The following EPHA3 variants were observed in gnomAD, a reference collection of about 807,000 sequenced individuals.
The protein encoded by EPHA3 is ephrin type-A receptor 3.
A neutral mutation model predicts 107.1 loss-of-function variants in EPHA3; 42 were observed. The ratio of observed to expected loss-of-function variants is 0.39; its 90% confidence interval spans 0.31 to 0.51. The LOEUF is 0.51. Ranked by LOEUF, EPHA3 falls within the 20% of genes least tolerant of loss-of-function variation. EPHA3 has a pLI of 0.78. For synonymous variants in EPHA3, 461 were observed against 424.8 expected (o/e 1.09, Z -1.05); for missense variants, 1,183 against 1,211.2 (o/e 0.98, Z 0.35).
chr3:89,136,522 C>T (rs1237150820), intron 2 of EPHA3, among the ~76,000 whole-genome samples: 3 of 151,330 alleles, frequency 2.0e-5, no homozygotes, highest in Non-Finnish European at 4.4e-5. Flanking sequence ...GTTGCTAACA[C>T]TATGTCTCTT....
At chr3:89,423,104 C>A (rs1709385899) in intron 11 of EPHA3, among the ~76,000 whole-genome samples, 1 of 151,450 alleles carries the variant, frequency 6.6e-6, no homozygotes, top group Non-Finnish European at 1.5e-5. Flanking sequence ...CTTCCATTGG[C>A]CACTTTTCAC....
intron 2 of EPHA3, among the ~76,000 whole-genome samples, chr3:89,151,817 A>G (rs1704696447): frequency 1.3e-5 from 2 of 152,096 alleles, no homozygotes; most frequent in African/African-American, 4.8e-5. Context: ...ATAGAATTTA[A>G]ATATTAATAT....
chr3:89,176,874 T>C (rs1410881283), intron 2 of EPHA3, among the ~76,000 whole-genome samples: 4 of 152,200 alleles, frequency 2.6e-5, no homozygotes, highest in Non-Finnish European at 4.4e-5. Flanking sequence ...TTTAATTTTA[T>C]ATGGAGATTA....
chr3:89,173,901 A>C (rs1281660459), intron 2 of EPHA3, among the ~76,000 whole-genome samples: 2 of 152,084 alleles, frequency 1.3e-5, no homozygotes. Context: ...TCTATAAAAA[A>C]TAAAGTAAAT....
At chr3:89,225,222 C>A (rs948451122) in intron 3 of EPHA3, among the ~76,000 whole-genome samples, 1 of 152,010 alleles carries the variant, frequency 6.6e-6, no homozygotes, top group African/African-American at 2.4e-5. Context: ...TGCTTCGATG[C>A]CTGTAATGAT....
chr3:89,423,657 A>G (rs1211615044), intron 11 of EPHA3, among the ~76,000 whole-genome samples: 1 of 151,434 alleles, frequency 6.6e-6, no homozygotes, highest in Non-Finnish European at 1.5e-5. Context: ...AAATTAAAAA[A>G]TCACTGCTCG....
chr3:89,473,615 T>C (rs574180713), intron 16 of EPHA3, among the ~76,000 whole-genome samples: 1 of 152,324 alleles, frequency 6.6e-6, no homozygotes, highest in Admixed American at 6.5e-5. Flanking sequence ...CTTTCTAAAC[T>C]CTTGGTCATA....
chr3:89,361,595 A>G (rs1175788376), intron 5 of EPHA3, among the ~76,000 whole-genome samples: 5 of 151,144 alleles, frequency 3.3e-5, no homozygotes, highest in African/African-American at 1.2e-4. Flanking sequence ...GCTTTTCACA[A>G]ATGTTTCACA....
chr3:89,330,786 G>T (rs530210163), intron 3 of EPHA3, among the ~76,000 whole-genome samples: 1 of 152,024 alleles, frequency 6.6e-6, no homozygotes, highest in Non-Finnish European at 1.5e-5. Flanking sequence ...TTTCCGCTCT[G>T]TTTTCATTTA....
At chr3:89,467,992 AC>A (rs1710321348) in intron 15 of EPHA3, among the ~76,000 whole-genome samples, 1 of 152,100 alleles carries the variant, frequency 6.6e-6, no homozygotes, top group Non-Finnish European at 1.5e-5. Flanking sequence ...TCCCCTTCAG[AC>A]CAATGTCTGG....
At chr3:89,162,720 C>G (rs1704978241) in intron 2 of EPHA3, among the ~76,000 whole-genome samples, 2 of 152,206 alleles carry the variant, frequency 1.3e-5, no homozygotes, top group South Asian at 2.1e-4. Context: ...TAGCCCAACC[C>G]TGCATGCTGG....
intron 12 of EPHA3, among the ~76,000 whole-genome samples, chr3:89,429,721 T>A (rs1376232322): frequency 1.3e-5 from 2 of 151,978 alleles, no homozygotes; most frequent in Non-Finnish European, 2.9e-5. Flanking sequence ...TATCTATCTA[T>A]CTATCTATCT....
chr3:89,385,706 C>T (rs1708602830), intron 5 of EPHA3, among the ~76,000 whole-genome samples: 1 of 151,938 alleles, frequency 6.6e-6, no homozygotes, highest in African/African-American at 2.4e-5. Flanking sequence ...GTGGAAGCAA[C>T]TTAGGAACTG....
At chr3:89,111,693 C>T (rs186529563) in intron 1 of EPHA3, among the ~76,000 whole-genome samples, 4 of 152,088 alleles carry the variant, frequency 2.6e-5, no homozygotes, top group East Asian at 1.9e-4. Flanking sequence ...TTGAATGTCC[C>T]GTAAAGAAAC....
intron 5 of EPHA3, among the ~76,000 whole-genome samples, chr3:89,369,938 A>G (rs1228367444): frequency 6.6e-6 from 1 of 150,896 alleles, no homozygotes; most frequent in Non-Finnish European, 1.5e-5. Flanking sequence ...AGAGAAATGC[A>G]AATCAAAACC....
intron 13 of EPHA3, among the ~76,000 whole-genome samples, chr3:89,435,691 G>A (rs1709655603): frequency 6.7e-6 from 1 of 148,942 alleles, no homozygotes; most frequent in African/African-American, 2.5e-5. Flanking sequence ...GGTGGCTCAT[G>A]CCTGTAATCC....
At chr3:89,454,767 G>A (rs1358607570) in intron 15 of EPHA3, among the ~76,000 whole-genome samples, 1 of 152,156 alleles carries the variant, frequency 6.6e-6, no homozygotes, top group Non-Finnish European at 1.5e-5. Context: ...TGGGGCTGGA[G>A]GATAACTTGT....
intron 2 of EPHA3, among the ~76,000 whole-genome samples, chr3:89,131,585 A>C (rs1704208228): frequency 2.0e-5 from 3 of 152,184 alleles, no homozygotes; most frequent in Non-Finnish European, 4.4e-5. Context: ...TATAGTATTG[A>C]TATTGTGATT....
intron 5 of EPHA3, among the ~76,000 whole-genome samples, chr3:89,374,767 C>T (rs1417189796): frequency 6.6e-6 from 1 of 151,576 alleles, no homozygotes; most frequent in East Asian, 1.9e-4. Context: ...AATGAAGTAG[C>T]TCTTATTTTC....
Sources: gnomAD v4.1 joint callset for allele counts (sites outside exome capture counted in the v4.1 genomes callset) on GRCh38, gnomAD v4.1.1 for gene constraint, MANE v1.5 for transcripts, NCBI Gene and HGNC (gene_info 2026-07-23, HGNC 2026-07-21) for gene names.